Variants in SKI observed in about 807,000 individuals in gnomAD.
The protein encoded by SKI is SKI proto-oncogene, also known as ski oncogene.
Under a neutral mutation model 59.3 loss-of-function variants are expected in SKI, and 23 were observed. The ratio of observed to expected loss-of-function variants is 0.39; its 90% CI spans 0.28 to 0.55. SKI has a LOEUF of 0.55. SKI is among the 20% of genes least tolerant of loss of function. The pLI is 0.67. For missense variants in SKI, 1,017 were observed against 1,038.9 expected (o/e 0.98, Z 0.29); for synonymous variants, 673 against 488.6 (o/e 1.38, Z -4.98).
chr1:2,306,281 C>T (rs1640574766), intron 6 of SKI, 31 bp downstream of exon 6: 1 of 1,515,204 alleles, frequency 6.6e-7, no homozygotes, highest in Non-Finnish European at 8.9e-7. Flanking sequence ...AGGCACGCAG[C>T]ACGGTGGGCG....
At chr1:2,285,870 G>GTTTTTT (rs77227502) in intron 1 of SKI, among the ~76,000 whole-genome samples, 1 of 102,700 alleles carries the variant, frequency 9.7e-6, no homozygotes, top group Admixed American at 1.1e-4. Context: ...CAGCCAGAAG[G>GTTTTTT]TTTTTTTTTT....
chr1:2,251,605 G>T (rs1639149713), intron 1 of SKI, among the ~76,000 whole-genome samples: 1 of 152,160 alleles, frequency 6.6e-6, no homozygotes, highest in Non-Finnish European at 1.5e-5. Context: ...TAGAGCCCTC[G>T]CCTGTGTAAC....
intron 1 of SKI, among the ~76,000 whole-genome samples, chr1:2,277,254 C>T (rs1639763043): frequency 6.6e-6 from 1 of 152,146 alleles, no homozygotes; most frequent in Non-Finnish European, 1.5e-5. Flanking sequence ...CTACCATGCC[C>T]AGCTAATTTT....
intron 1 of SKI, among the ~76,000 whole-genome samples, chr1:2,259,895 C>T (rs1429631569): frequency 2.0e-5 from 3 of 152,244 alleles, no homozygotes; most frequent in African/African-American, 7.2e-5. Context: ...GTGGATGTCG[C>T]GTTTGTTCCT....
rs770483304 is a variant in SKI at position 2,267,974 on chromosome 1, C to T, written c.970-35004C>T. On this transcript the variant is annotated intron_variant, in intron 1 of 6. Transcript: ENST00000378536. This position sits in a 1 kb window ranked among gnomAD's most constrained non-coding sequence, Gnocchi z 4.1. Reference sequence around the variant, plus strand: ...GTGGTGGTCGTGGCTCTGTGGGTGCCGGGCAGAGGCCTCCCAGGCTGGGCA... The same window carrying T: ...GTGGTGGTCGTGGCTCTGTGGGTGCTGGGCAGAGGCCTCCCAGGCTGGGCA... Among the ~76,000 whole-genome samples, 26 of 152,074 alleles carry T rather than the reference C, an allele frequency of 1.7e-4. No individual in the cohort carries two copies. Among genetic ancestry groups the T allele is most frequent in the Admixed American group, 3.9e-4 (6 of 15,272 alleles).
chr1:2,293,769 C>T (rs1049189895), intron 1 of SKI, among the ~76,000 whole-genome samples: 7 of 152,290 alleles, frequency 4.6e-5, no homozygotes, highest in South Asian at 2.1e-4. Flanking sequence ...CCTCTGGGAC[C>T]GTCTACCTGT....
At chr1:2,252,273 G>GT (rs1639169148) in intron 1 of SKI, among the ~76,000 whole-genome samples, 1 of 152,212 alleles carries the variant, frequency 6.6e-6, no homozygotes, top group African/African-American at 2.4e-5. Flanking sequence ...AGAAAGCTGA[G>GT]TAGGGGGCTG....
At chr1:2,236,274 G>C (rs937973123) in intron 1 of SKI, among the ~76,000 whole-genome samples, 4 of 152,190 alleles carry the variant, frequency 2.6e-5, no homozygotes, top group Non-Finnish European at 5.9e-5. Context: ...GTCACGTCTG[G>C]GTCCCCAGTT....
At position 2,269,898 on chromosome 1, in the gene SKI, G is replaced by C. The variant is rs1316764021; in HGVS notation, c.970-33080G>C. Among the ~76,000 whole-genome samples, 1 of 114,978 alleles carries C rather than the reference G, an allele frequency of 8.7e-6. No individual in the cohort carries two copies. The highest frequency in any genetic ancestry group is 1.8e-5 in the Non-Finnish European group (1 of 54,988). 75.4% of individuals were successfully genotyped at this position (114,978 alleles called of 152,430 possible). A position where few individuals can be genotyped will look rare whatever the true frequency, so the allele number is the denominator to read the frequency against. On this transcript the variant is annotated intron_variant, in intron 1 of 6. Coordinates refer to ENST00000378536, the MANE Select transcript of SKI (RefSeq NM_003036.4). This position sits in a 1 kb window ranked among gnomAD's most constrained non-coding sequence, Gnocchi z 4.7. ...GTCTGGCGGGTCTCGTGGTGCCTGT[G>C]GCTGGCGTGGGTCTGGCGGGTCTGG...
In SKI at chr1:2,229,983, G is replaced by A. The variant is rs1173168090; in HGVS notation, c.969+248G>A. Among the ~76,000 whole-genome samples the A allele has an allele frequency of 2.6e-5, 4 of 152,188 alleles. No homozygotes were observed. Among genetic ancestry groups the A allele is most frequent in the Non-Finnish European group, 5.9e-5 (4 of 68,016 alleles). ...GCGGGCTGTGGCGGTGGGGTGGGGG[G>A]CCAGGCCTGGTGTGTGGGGAAGGCC... On this transcript the variant is annotated intron_variant, in intron 1 of 6. Transcript: ENST00000378536. The surrounding 1 kb of genome is among the most constrained non-coding windows in gnomAD (Gnocchi z 6.3).
intron 1 of SKI, among the ~76,000 whole-genome samples, chr1:2,238,726 C>T (rs566946130): frequency 6.6e-6 from 1 of 152,368 alleles, no homozygotes; most frequent in African/African-American, 2.4e-5. Flanking sequence ...CCACTGAGGC[C>T]ACCTGCGCCG....
At chr1:2,287,146 G>A (rs1383217826) in intron 1 of SKI, among the ~76,000 whole-genome samples, 2 of 152,088 alleles carry the variant, frequency 1.3e-5, no homozygotes, top group South Asian at 2.1e-4. Context: ...CCTCCCGCCC[G>A]GGGTGCCCTG....
At chr1:2,280,612 C>G (rs1330005154) in intron 1 of SKI, among the ~76,000 whole-genome samples, 2 of 144,946 alleles carry the variant, frequency 1.4e-5, no homozygotes, top group African/African-American at 5.1e-5. Context: ...GAGAAGATGC[C>G]CGAGAAGACA....
Position 2,287,820 on chromosome 1 carries a change from G to A in SKI, c.970-15158G>A, listed in dbSNP as rs1265719717. ...GGGGGATGAGCCCAGGCTCCTTTCTGGGGTCTCCAGTGTGTCCCCGATGGA... is the reference window on the plus strand; with the variant it reads ...GGGGGATGAGCCCAGGCTCCTTTCTAGGGTCTCCAGTGTGTCCCCGATGGA... On this transcript the variant is annotated intron_variant, in intron 1 of 6. Transcript: ENST00000378536. Among the ~76,000 whole-genome samples the A allele has an allele frequency of 5.9e-5, 9 of 152,152 alleles. No individual in the cohort carries two copies. The East Asian group carries it at 1.7e-3, about 29-fold the overall frequency.
rs759098267 is a variant in SKI at position 2,306,651 on chromosome 1, G to A, written c.2073G>A (p.Glu691=). ...AGCTGCGGGCCGACCTGCTGCGGGAGCGCGAGGCCCGGGAGCACCTGGAGA... is the reference window on the plus strand; with the variant it reads ...AGCTGCGGGCCGACCTGCTGCGGGAACGCGAGGCCCGGGAGCACCTGGAGA... ...REQLRADLLR[E]REAREHLEKV... Residue 691 remains glutamate (E), a synonymous_variant, in exon 7 of 7, where the codon GAG becomes GAA. Coordinates refer to ENST00000378536, the MANE Select transcript of SKI (RefSeq NM_003036.4). The A allele has an allele frequency of 6.5e-7, 1 of 1,545,092 alleles. No individual in the cohort carries two copies. The highest frequency in any genetic ancestry group is 8.7e-7 in the Non-Finnish European group (1 of 1,145,362).
chr1:2,292,900 CGTG>C (rs1340438219), intron 1 of SKI, among the ~76,000 whole-genome samples: 1 of 152,146 alleles, frequency 6.6e-6, no homozygotes, highest in Non-Finnish European at 1.5e-5. Flanking sequence ...AGCCAAAGGC[CGTG>C]TCTCAGTGGC....
chr1:2,271,504 CAG>C (rs1161701114), intron 1 of SKI, among the ~76,000 whole-genome samples: 1 of 152,208 alleles, frequency 6.6e-6, no homozygotes, highest in Admixed American at 6.5e-5. Context: ...ATTAAGCGCT[CAG>C]ATGCTGGCAG....
intron 1 of SKI, among the ~76,000 whole-genome samples, chr1:2,248,233 G>A (rs1313762127): frequency 1.3e-5 from 2 of 152,188 alleles, no homozygotes; most frequent in Non-Finnish European, 2.9e-5. Context: ...GCTGGGTGGT[G>A]CCCACACTGC....
rs1553202322 is a variant in SKI, at chr1:2,309,937, C to CTG, written c.*3173_*3174insGT. ...GCTTTAAGTCAGGAGTCACAAATGA[C>CTG]TTTTTTTTTTCAATTAAGGAAAAAG... On this transcript the variant is annotated 3_prime_UTR_variant, in exon 7 of 7. Transcript: ENST00000378536. 9.0e-6 allele frequency: 1 copy of CTG among 111,562 alleles called. No homozygotes were observed. Among genetic ancestry groups the CTG allele is most frequent in the Non-Finnish European group, 1.8e-5 (1 of 56,860 alleles). 6.9% of individuals were successfully genotyped at this position (111,562 alleles called of 1,614,324 possible).
Sources: gnomAD v4.1 joint callset for allele counts (sites outside exome capture counted in the v4.1 genomes callset) on GRCh38, gnomAD v4.1.1 for gene constraint, Gnocchi (gnomAD v3.1) non-coding constraint, MANE v1.5 for transcripts, NCBI Gene and HGNC (gene_info 2026-07-23, HGNC 2026-07-21) for gene names.